The following ST8SIA5 variants were observed in gnomAD, a reference collection of about 807,000 sequenced individuals.
The protein encoded by ST8SIA5 is ST8 alpha-N-acetyl-neuraminide alpha-2,8-sialyltransferase 5, also known as alpha-2,8-sialyltransferase 8E.
A neutral mutation model predicts 40.2 loss-of-function variants in ST8SIA5; 24 were observed. That is an observed-to-expected ratio of 0.60 (90% CI 0.43 to 0.84). The LOEUF (loss-of-function observed/expected upper bound fraction) is 0.84, where lower values mean the gene tolerates loss of function less well. Among genes scored for constraint, ST8SIA5 ranks in the 40% least tolerant of loss-of-function variants. ST8SIA5 has a pLI of 0.00. For synonymous variants in ST8SIA5, 198 were observed against 201.8 expected, an observed-to-expected ratio of 0.98 and a Z score of 0.16; for missense variants, 465 against 498.5, an observed-to-expected ratio of 0.93 and a Z score of 0.64.
intron 1 of ST8SIA5, among the ~76,000 whole-genome samples, chr18:46,738,439 C>A (rs1236064080): frequency 6.6e-6 from 1 of 152,082 alleles, no homozygotes; most frequent in Non-Finnish European, 1.5e-5. Context: ...ACCCAGCACA[C>A]AACATTTAAA....
chr18:46,727,966 G>A (rs1482462622), intron 1 of ST8SIA5, among the ~76,000 whole-genome samples: 1 of 152,168 alleles, frequency 6.6e-6, no homozygotes, highest in Non-Finnish European at 1.5e-5. Flanking sequence ...GGAGGCCGAG[G>A]CAGGAGGATC....
intron 1 of ST8SIA5, among the ~76,000 whole-genome samples, chr18:46,754,885 G>A (rs577772414): frequency 1.3e-5 from 2 of 152,236 alleles, no homozygotes; most frequent in South Asian, 2.1e-4. Context: ...GCAGGCAATC[G>A]GCCTGCAGGG....
chr18:46,747,518 G>A (rs558446624), intron 1 of ST8SIA5, among the ~76,000 whole-genome samples: 17 of 152,206 alleles, frequency 1.1e-4, no homozygotes, highest in Non-Finnish European at 2.5e-4. Flanking sequence ...AAACCACAAT[G>A]AGATACCATC....
intron 2 of ST8SIA5, among the ~76,000 whole-genome samples, chr18:46,701,452 A>G (rs891199855): frequency 6.6e-6 from 1 of 151,978 alleles, no homozygotes; most frequent in Non-Finnish European, 1.5e-5. Context: ...GCCTTTAAAG[A>G]GGTAATAAAG....
At chr18:46,688,990 C>T (rs2039476220) in intron 3 of ST8SIA5, 71 bp from the exon 4 acceptor site, 2 of 1,539,342 alleles carry the variant, frequency 1.3e-6, no homozygotes, top group Admixed American at 1.9e-5. Context: ...AGCACAACCT[C>T]ACGGAGAACA....
At chr18:46,740,409 A>G (rs2040076496) in intron 1 of ST8SIA5, among the ~76,000 whole-genome samples, 1 of 152,234 alleles carries the variant, frequency 6.6e-6, no homozygotes, top group Non-Finnish European at 1.5e-5. Flanking sequence ...ATCAGTAATC[A>G]CAATAAATGT....
At chr18:46,684,840 G>C (rs1053634391) in intron 5 of ST8SIA5, among the ~76,000 whole-genome samples, 1 of 152,168 alleles carries the variant, frequency 6.6e-6, no homozygotes, top group African/African-American at 2.4e-5. Context: ...TGGACACCAG[G>C]TTCCGTGGGA....
chr18:46,730,981 G>A (rs750624691), intron 1 of ST8SIA5, among the ~76,000 whole-genome samples: 1 of 152,076 alleles, frequency 6.6e-6, no homozygotes, highest in Admixed American at 6.6e-5. Flanking sequence ...AACACCCTGC[G>A]TCTAAAAAAG....
intron 1 of ST8SIA5, among the ~76,000 whole-genome samples, chr18:46,713,567 G>A (rs2039755291): frequency 6.6e-6 from 1 of 152,164 alleles, no homozygotes; most frequent in Admixed American, 6.5e-5. Flanking sequence ...CAGGCCTGAG[G>A]TCAGCTCCCA....
At chr18:46,692,960 A>G (rs372809085) in intron 2 of ST8SIA5, among the ~76,000 whole-genome samples, 74 of 145,946 alleles carry the variant, frequency 5.1e-4, no homozygotes, top group African/African-American at 1.8e-3. Context: ...AAACTAGCCA[A>G]TCCTAAACCT....
intron 1 of ST8SIA5, among the ~76,000 whole-genome samples, chr18:46,720,097 C>T (rs1435479871): frequency 2.0e-5 from 3 of 152,162 alleles, no homozygotes; most frequent in African/African-American, 7.2e-5. Flanking sequence ...CCTTGGCCTC[C>T]CAAAGTGCTG....
chr18:46,698,909 G>A (rs2039583549), intron 2 of ST8SIA5, among the ~76,000 whole-genome samples: 1 of 152,202 alleles, frequency 6.6e-6, no homozygotes, highest in Non-Finnish European at 1.5e-5. Context: ...AAGATGGCTA[G>A]AAGCTCCAGA....
chr18:46,688,651 C>T, intron 4 of ST8SIA5, 124 bp downstream of exon 4: 1 of 1,294,030 alleles, frequency 7.7e-7, no homozygotes, highest in Non-Finnish European at 1.0e-6. Flanking sequence ...TCAACCAGGA[C>T]CAAGACAACT....
intron 1 of ST8SIA5, among the ~76,000 whole-genome samples, chr18:46,731,368 A>C (rs2144545521): frequency 6.6e-6 from 1 of 152,342 alleles, no homozygotes; most frequent in East Asian, 1.9e-4. Context: ...AAAACAAAAC[A>C]AGGGCAGTTG....
At chr18:46,703,056 A>G (rs953099722) in intron 2 of ST8SIA5, among the ~76,000 whole-genome samples, 1 of 152,266 alleles carries the variant, frequency 6.6e-6, no homozygotes, top group African/African-American at 2.4e-5. Context: ...GGAAGGAAAG[A>G]GAGAGACGGG....
chr18:46,717,895 GC>G lies in ST8SIA5; in HGVS notation c.132-13232del, dbSNP rs1249344513. 3.3e-5 allele frequency among the ~76,000 whole-genome samples: 5 copies of G among 151,880 alleles called. No homozygotes were observed. In the East Asian group the frequency reaches 7.8e-4, roughly 24 times the overall value. On this transcript the variant is annotated intron_variant, in intron 1 of 6. Transcript: ENST00000315087. ...GCACCTACTACATAACAGGTGCCAC[GC>G]TAGGTTCTGGCAATTCAAAACGGAA... is the stretch of plus-strand genomic sequence containing the variant.
At chr18:46,705,869 G>A (rs1006632549) in intron 1 of ST8SIA5, among the ~76,000 whole-genome samples, 7 of 152,216 alleles carry the variant, frequency 4.6e-5, no homozygotes, top group African/African-American at 1.4e-4. Flanking sequence ...TTGGAAATTA[G>A]GCATCGCTCA....
chr18:46,730,248 C>T, intron 1 of ST8SIA5: 1 of 985,334 alleles, frequency 1.0e-6, no homozygotes, highest in South Asian at 4.7e-5. Context: ...GATAGGGGGG[C>T]TCGCATTCCA....
chr18:46,730,318 C>T (rs566074863), intron 1 of ST8SIA5: 110 of 916,630 alleles, frequency 1.2e-4, no homozygotes, highest in African/African-American at 9.5e-4. Flanking sequence ...TTTTCTCATC[C>T]GTCAAAGGGG....
Sources: gnomAD v4.1 joint callset for allele counts (sites outside exome capture counted in the v4.1 genomes callset) on GRCh38, gnomAD v4.1.1 for gene constraint, MANE v1.5 for transcripts, NCBI Gene and HGNC (gene_info 2026-07-23, HGNC 2026-07-21) for gene names.